The following ENTPD4 variants were observed in gnomAD, a reference collection of about 807,000 sequenced individuals.
ENTPD4 encodes the protein ectonucleoside triphosphate diphosphohydrolase 4.
Under a neutral mutation model 79.1 loss-of-function variants are expected in ENTPD4, and 60 were observed. The ratio of observed to expected loss-of-function variants is 0.76; its 90% CI spans 0.62 to 0.94. The LOEUF (loss-of-function observed/expected upper bound fraction) is 0.94, where lower values mean the gene tolerates loss of function less well. Ranked by LOEUF, ENTPD4 falls within the 40% of genes least tolerant of loss-of-function variation. The pLI is 0.00. For synonymous variants in ENTPD4, 276 were observed against 292.0 expected (o/e 0.95, Z 0.56); for missense variants, 772 against 775.1 (o/e 1.00, Z 0.05).
intron 12 of ENTPD4, among the ~76,000 whole-genome samples, chr8:23,433,666 T>C (rs1356764817): frequency 6.6e-6 from 1 of 152,224 alleles, no homozygotes; most frequent in Non-Finnish European, 1.5e-5. Context: ...AAGCGCTGAC[T>C]GAGATGTAGC....
At chr8:23,446,981 C>G (rs1384815280) in intron 4 of ENTPD4, among the ~76,000 whole-genome samples, 1 of 152,178 alleles carries the variant, frequency 6.6e-6, no homozygotes, top group African/African-American at 2.4e-5. Context: ...CTGTGGTCAA[C>G]TGTTTGAAAT....
chr8:23,436,126 C>T (rs1355390738), intron 10 of ENTPD4, among the ~76,000 whole-genome samples: 1 of 152,164 alleles, frequency 6.6e-6, no homozygotes. Flanking sequence ...ATAGGCACTT[C>T]AGGAACATGG....
Position 23,430,048 on chromosome 8 carries a change from T to G in ENTPD4, c.*2878A>C, listed in dbSNP as rs75694354. 1.0e-6 allele frequency: 1 copy of G among 985,492 alleles called. No individual in the cohort carries two copies. Among genetic ancestry groups the G allele is most frequent in the Non-Finnish European group, 1.2e-6 (1 of 829,944 alleles). The allele number at this position is 985,492 out of a possible 1,614,324, so 61.0% of individuals were successfully genotyped here. On this transcript the variant is annotated 3_prime_UTR_variant, in exon 13 of 13. Coordinates refer to ENST00000358689, the MANE Select transcript of ENTPD4 (RefSeq NM_004901.5). ...TTGGGCAAGTTCCTAGTCCAATTTC[T>G]TCTGCTACAAGTACACAGAATTTAC...
intron 6 of ENTPD4, among the ~76,000 whole-genome samples, chr8:23,443,425 A>G (rs1049564461): frequency 6.6e-6 from 1 of 152,204 alleles, no homozygotes; most frequent in African/African-American, 2.4e-5. Context: ...ACCCCAAATA[A>G]TTTCATTGAC....
In ENTPD4 at chr8:23,432,773, C is replaced by T; in HGVS notation, c.*153G>A. On this transcript the variant is annotated 3_prime_UTR_variant, in exon 13 of 13. Transcript: ENST00000358689. ...TCGGCCTCCCAAAGTGCTGGGATTACAGGCGTGAGCCACCGCGCTCGGCCT... is the reference window on the plus strand; with the variant it reads ...TCGGCCTCCCAAAGTGCTGGGATTATAGGCGTGAGCCACCGCGCTCGGCCT... 7.0e-7 allele frequency: 1 copy of T among 1,426,122 alleles called. No homozygotes were observed. The highest frequency in any genetic ancestry group is 9.2e-7 in the Non-Finnish European group (1 of 1,092,870). 88.3% of individuals were successfully genotyped at this position (1,426,122 alleles called of 1,614,324 possible).
In ENTPD4 at chr8:23,430,002, A is replaced by C. The variant is rs1295228510; in HGVS notation, c.*2924T>G. 1 of 985,358 alleles carries C rather than the reference A, an allele frequency of 1.0e-6. No individual in the cohort carries two copies. The highest frequency in any genetic ancestry group is 1.2e-6 in the Non-Finnish European group (1 of 829,938). 61.0% of individuals were successfully genotyped at this position (985,358 alleles called of 1,614,324 possible). Reference sequence around the variant, plus strand: ...CATGTTTCTACCAAGATTGAACACAATGCTTTTCTTTGATAAAGCTTTGGG... The same window carrying C: ...CATGTTTCTACCAAGATTGAACACACTGCTTTTCTTTGATAAAGCTTTGGG... On this transcript the variant is annotated 3_prime_UTR_variant, in exon 13 of 13. Transcript: ENST00000358689.
chr8:23,434,662 C>T, intron 11 of ENTPD4, 184 bp from the exon 12 acceptor site: 1 of 1,430,122 alleles, frequency 7.0e-7, no homozygotes, highest in Non-Finnish European at 9.1e-7. Flanking sequence ...TCCCTGGTCC[C>T]ACAACATGGA....
chr8:23,435,878 G>A (rs1297535155), intron 10 of ENTPD4, among the ~76,000 whole-genome samples: 1 of 152,196 alleles, frequency 6.6e-6, no homozygotes, highest in African/African-American at 2.4e-5. Context: ...ACTGCAAAAG[G>A]TTTTTGTCTT....
intron 2 of ENTPD4, 68 bp downstream of exon 2, chr8:23,449,825 T>C: frequency 7.3e-7 from 1 of 1,377,670 alleles, no homozygotes. Context: ...TTAGATTTTT[T>C]TTCTCTCAAG....
intron 1 of ENTPD4, among the ~76,000 whole-genome samples, chr8:23,454,597 G>C (rs1800920592): frequency 6.6e-6 from 1 of 152,182 alleles, no homozygotes; most frequent in Non-Finnish European, 1.5e-5. Context: ...TCCTAGAGGT[G>C]GGAGGTCAAT....
At position 23,448,929 on chromosome 8, in the gene ENTPD4, A is replaced by C; in HGVS notation, c.19T>G (p.Ser7Ala). The change falls in exon 3 of 13, where the codon TCC becomes GCC. Residue 7 changes from serine (S) to alanine (A), a missense_variant. Transcript: ENST00000358689. MGRIGI[S>A]CLFPASWHFS... ...TGCCAAGAAGCAGGAAAAAGACAGG[A>C]GATGCCAATCCTGAAATTAGAAGGA... 6.2e-7 allele frequency: 1 copy of C among 1,613,474 alleles called. No homozygotes were observed. Among genetic ancestry groups the C allele is most frequent in the African/African-American group, 1.3e-5 (1 of 75,016 alleles).
At chr8:23,436,685 G>A (rs1308625505) in intron 10 of ENTPD4, among the ~76,000 whole-genome samples, 2 of 152,182 alleles carry the variant, frequency 1.3e-5, no homozygotes, top group Admixed American at 1.3e-4. Flanking sequence ...ATAAAAGACT[G>A]TAATTTGGAG....
At chr8:23,442,528 A>G (rs1216874447) in intron 6 of ENTPD4, among the ~76,000 whole-genome samples, 6 of 152,092 alleles carry the variant, frequency 3.9e-5, no homozygotes, top group Non-Finnish European at 8.8e-5. Flanking sequence ...TACTAAAAAT[A>G]CAAAAATTAG....
At position 23,431,620 on chromosome 8, in the gene ENTPD4, A is replaced by G. The variant is rs1478292095; in HGVS notation, c.*1306T>C. 1 of 985,320 alleles carries G rather than the reference A, an allele frequency of 1.0e-6. No individual in the cohort carries two copies. Among genetic ancestry groups the G allele is most frequent in the Non-Finnish European group, 1.2e-6 (1 of 829,946 alleles). The allele number at this position is 985,320 out of a possible 1,614,324, so 61.0% of individuals were successfully genotyped here. A position where few individuals can be genotyped will look rare whatever the true frequency, so the allele number is the denominator to read the frequency against. On this transcript the variant is annotated 3_prime_UTR_variant, in exon 13 of 13. Transcript: ENST00000358689. ...AGCAACAGCCTCAGTCAATGCGGTT[A>G]GGAAGAGGACTCGGCAGGCTGTGCA...
chr8:23,449,789 A>T, intron 2 of ENTPD4, 104 bp downstream of exon 2: 1 of 1,026,596 alleles, frequency 9.7e-7, no homozygotes, highest in Non-Finnish European at 1.5e-6. Context: ...GAAGCACAGC[A>T]CAACTTCACA....
At chr8:23,441,543 A>C in intron 8 of ENTPD4, 26 bp downstream of exon 8, 1 of 1,605,396 alleles carries the variant, frequency 6.2e-7, no homozygotes, top group East Asian at 2.2e-5. Context: ...CAAACCAAAC[A>C]GAAGGAAATT....
intron 4 of ENTPD4, among the ~76,000 whole-genome samples, chr8:23,446,764 C>T (rs1800770168): frequency 6.6e-6 from 1 of 152,066 alleles, no homozygotes; most frequent in South Asian, 2.1e-4. Flanking sequence ...GGAGACTCTT[C>T]TATGAGGATA....
At chr8:23,450,893 C>T (rs1361596047) in intron 1 of ENTPD4, among the ~76,000 whole-genome samples, 1 of 152,192 alleles carries the variant, frequency 6.6e-6, no homozygotes, top group Admixed American at 6.5e-5. Flanking sequence ...ATCTTCTCCC[C>T]TTTTTCTCCT....
rs775070986 is a variant in ENTPD4 at position 23,437,022 on chromosome 8, T to G, written c.1286A>C (p.Tyr429Ser). 1.9e-6 allele frequency: 3 copies of G among 1,614,106 alleles called. No individual in the cohort carries two copies. The highest frequency in any genetic ancestry group is 1.7e-6 in the Non-Finnish European group (2 of 1,179,934). The change falls in exon 10 of 13, where the codon TAT (tyrosine) becomes TCT (serine). Residue 429 changes from tyrosine to serine, a missense_variant. Physicochemically the swap from Tyr to Ser is moderately radical, Grantham distance 144 (BLOSUM62 -2). Coordinates refer to ENST00000358689, the MANE Select transcript of ENTPD4 (RefSeq NM_004901.5). Reference protein sequence around the residue: ...PPIHFQNSEFYGFSEFYYCTE... With the variant: ...PPIHFQNSEFSGFSEFYYCTE... ...GCAGTAGTAGAATTCGGAGAAGCCA[T>G]AGAATTCACTGTTCTGGAAGTGAAT...
Sources: gnomAD v4.1 joint callset for allele counts (sites outside exome capture counted in the v4.1 genomes callset) on GRCh38, gnomAD v4.1.1 for gene constraint, MANE v1.5 for transcripts, NCBI Gene and HGNC (gene_info 2026-07-23, HGNC 2026-07-21) for gene names.